Variants in COG5 observed in about 807,000 individuals in gnomAD.
COG5 encodes conserved oligomeric Golgi complex subunit 5.
In COG5, 86 loss-of-function variants were observed where a neutral mutation model predicts 110.4. That is an observed-to-expected ratio of 0.78 (90% CI 0.65 to 0.93). The LOEUF (loss-of-function observed/expected upper bound fraction) is 0.93, where lower values mean the gene tolerates loss of function less well. Among genes scored for constraint, COG5 ranks in the 40% least tolerant of loss-of-function variants. The pLI is 0.00. For synonymous variants in COG5, 360 were observed against 334.6 expected, an observed-to-expected ratio of 1.08 and a Z score of -0.83; for missense variants, 1,077 against 987.0, an observed-to-expected ratio of 1.09 and a Z score of -1.22.
intron 6 of COG5, among the ~76,000 whole-genome samples, chr7:107,512,808 A>G (rs1456274461): frequency 3.3e-5 from 5 of 151,784 alleles, no homozygotes; most frequent in African/African-American, 7.2e-5. Flanking sequence ...AGGATTCCCT[A>G]TTTAATAAAT....
rs61526384 is a variant in COG5, at chr7:107,492,168, AGTGT to A, written c.538+35065_538+35068del. On this transcript the variant is annotated intron_variant, in intron 6 of 21. Coordinates refer to ENST00000297135, the MANE Select transcript of COG5 (RefSeq NM_006348.5). ...CAAAAAACCAAAAACAACAATGGGT[AGTGT>A]GTGTGTGTGTGTGTGTGTGTGTGTG... Among the ~76,000 whole-genome samples, 710 of 141,718 alleles carry A rather than the reference AGTGT, an allele frequency of 5.0e-3. 10 individuals are homozygous for A. Among genetic ancestry groups the A allele is most frequent in the African/African-American group, 0.015 (579 of 38,492 alleles). The allele number at this position is 141,718 out of a possible 152,430, so 93.0% of individuals were successfully genotyped here. A position where few individuals can be genotyped will look rare whatever the true frequency, so the allele number is the denominator to read the frequency against.
intron 10 of COG5, among the ~76,000 whole-genome samples, chr7:107,360,027 G>A (rs1411126655): frequency 6.6e-6 from 1 of 152,086 alleles, no homozygotes; most frequent in Non-Finnish European, 1.5e-5. Flanking sequence ...CCTCTATGCT[G>A]AGGGCTGCGC....
intron 6 of COG5, among the ~76,000 whole-genome samples, chr7:107,509,523 A>G (rs1283968970): frequency 5.9e-5 from 9 of 152,328 alleles, no homozygotes; most frequent in South Asian, 2.1e-4. Flanking sequence ...GCAGGCCAAC[A>G]TTCAGATTCA....
chr7:107,224,596 G>A (rs369650953), intron 19 of COG5, among the ~76,000 whole-genome samples: 1 of 152,192 alleles, frequency 6.6e-6, no homozygotes, highest in Non-Finnish European at 1.5e-5. Context: ...CCCCTGAGCT[G>A]GTGAAGAGCA....
intron 13 of COG5, among the ~76,000 whole-genome samples, chr7:107,282,157 G>A (rs751401885): frequency 2.1e-4 from 32 of 152,138 alleles, no homozygotes; most frequent in Admixed American, 1.6e-3. Flanking sequence ...TTTTAAAGAA[G>A]TTGAAAGTTT....
intron 3 of COG5, among the ~76,000 whole-genome samples, chr7:107,550,615 G>C (rs1173913156): frequency 6.6e-6 from 1 of 152,022 alleles, no homozygotes; most frequent in African/African-American, 2.4e-5. Flanking sequence ...TTAGATCTTG[G>C]CTCAAACGTC....
intron 10 of COG5, among the ~76,000 whole-genome samples, chr7:107,348,439 T>C (rs1432167538): frequency 2.6e-5 from 4 of 152,310 alleles, no homozygotes; most frequent in African/African-American, 9.6e-5. Flanking sequence ...TCTTGATCTG[T>C]AGACTTTCAA....
At chr7:107,511,481 T>C (rs910372315) in intron 6 of COG5, among the ~76,000 whole-genome samples, 2 of 152,218 alleles carry the variant, frequency 1.3e-5, no homozygotes, top group African/African-American at 2.4e-5. Flanking sequence ...GAGGAGCTGG[T>C]ACCATTCCTT....
chr7:107,482,752 C>T (rs762132690), intron 6 of COG5, among the ~76,000 whole-genome samples: 24 of 152,072 alleles, frequency 1.6e-4, no homozygotes, highest in Admixed American at 1.4e-3. Context: ...CCTTTAAAAA[C>T]CATATACTCT....
At chr7:107,563,190 T>C (rs1357298951) in intron 1 of COG5, among the ~76,000 whole-genome samples, 1 of 152,114 alleles carries the variant, frequency 6.6e-6, no homozygotes, top group Non-Finnish European at 1.5e-5. Context: ...CCAAACTGAC[T>C]AGCAATAAAA....
intron 11 of COG5, among the ~76,000 whole-genome samples, chr7:107,312,120 T>C (rs1808324723): frequency 1.3e-5 from 2 of 152,172 alleles, no homozygotes; most frequent in Non-Finnish European, 1.5e-5. Flanking sequence ...TTATCATGTA[T>C]AGATATTGTT....
intron 6 of COG5, among the ~76,000 whole-genome samples, chr7:107,482,331 A>G (rs1459036674): frequency 2.6e-5 from 4 of 151,890 alleles, no homozygotes; most frequent in African/African-American, 9.7e-5. Flanking sequence ...AATTTTGTAG[A>G]GACAGGGTCT....
intron 5 of COG5, among the ~76,000 whole-genome samples, chr7:107,537,108 C>CAT (rs1801638587): frequency 2.6e-5 from 4 of 152,196 alleles, no homozygotes; most frequent in Non-Finnish European, 4.4e-5. Flanking sequence ...CTTCCTTATA[C>CAT]ACTTTACACT....
chr7:107,391,111 G>A (rs1048763547), intron 7 of COG5, among the ~76,000 whole-genome samples: 8 of 151,696 alleles, frequency 5.3e-5, no homozygotes, highest in African/African-American at 1.9e-4. Context: ...GAGGGGGGAG[G>A]GTCGGCAACG....
chr7:107,283,883 C>A, intron 12 of COG5, 151 bp from the exon 13 acceptor site: 6 of 604,274 alleles, frequency 9.9e-6, no homozygotes, highest in Non-Finnish European at 1.5e-5. Context: ...TCACAACGTA[C>A]ATATTTACCA....
chr7:107,363,992 A>T (rs1285023969), intron 8 of COG5, among the ~76,000 whole-genome samples: 2 of 152,142 alleles, frequency 1.3e-5, no homozygotes, highest in Non-Finnish European at 2.9e-5. Flanking sequence ...CAAGATATTC[A>T]TCACATAGTC....
chr7:107,371,742 T>G (rs1021957369), intron 8 of COG5, among the ~76,000 whole-genome samples: 9 of 152,116 alleles, frequency 5.9e-5, no homozygotes, highest in Non-Finnish European at 1.2e-4. Flanking sequence ...CAACTATATG[T>G]GAAGGGAAAG....
chr7:107,230,639 G>A lies in COG5; in HGVS notation c.2144C>T (p.Ser715Phe). The stretch of plus-strand genomic sequence containing the variant: ...CCTGAATGATCTCAGCATCCGATAG[G>A]ACTTTCCTAAATCAGATACTCGTCT... ...FCRRVSDLGK[S>F]YRMLRSFRPL... is the part of the protein sequence containing the mutation. Residue 715 changes from serine (S) to phenylalanine (F), a missense_variant, in exon 19 of 22, where the codon TCC (serine) becomes TTC (phenylalanine). Physicochemically the swap from Ser to Phe is radical, Grantham distance 155. Coordinates refer to ENST00000297135, the MANE Select transcript of COG5 (RefSeq NM_006348.5). 1 of 1,613,128 alleles carries A rather than the reference G, an allele frequency of 6.2e-7. No individual in the cohort carries two copies. Among genetic ancestry groups the A allele is most frequent in the Non-Finnish European group, 8.5e-7 (1 of 1,179,186 alleles).
At chr7:107,385,138 G>C (rs1025950186) in intron 7 of COG5, among the ~76,000 whole-genome samples, 1 of 152,136 alleles carries the variant, frequency 6.6e-6, no homozygotes, top group African/African-American at 2.4e-5. Flanking sequence ...AGCGAAAAAG[G>C]CCATGTGACA....
Sources: allele counts gnomAD v4.1 joint callset (sites outside exome capture counted in the v4.1 genomes callset), GRCh38; gene constraint gnomAD v4.1.1; transcripts MANE v1.5; gene names NCBI Gene and HGNC (gene_info 2026-07-23, HGNC 2026-07-21).